ACTN1: variants seen among roughly 807,000 people sequenced by gnomAD.
ACTN1 encodes the protein actinin alpha 1.
ACTN1 carries 30 observed loss-of-function variants against 119.6 expected under a neutral mutation model. The observed-to-expected ratio is 0.25, with a 90% CI of 0.19 to 0.34. The LOEUF (loss-of-function observed/expected upper bound fraction) is 0.34. Ranked by LOEUF, ACTN1 falls within the 10% of genes least tolerant of loss-of-function variation. ACTN1 has a pLI of 1.00. For missense variants in ACTN1, 764 were observed against 1,223.4 expected (o/e 0.62, Z 5.60); for synonymous variants, 429 against 472.6 (o/e 0.91, Z 1.20).
At chr14:68,904,850 C>T in intron 6 of ACTN1, 114 bp from the exon 7 acceptor site, 1 of 790,248 alleles carries the variant, frequency 1.3e-6, no homozygotes, top group South Asian at 1.6e-5. Flanking sequence ...CTCCCAGCCC[C>T]AGCTCGATCC....
At chr14:68,907,804 A>T (rs2033757295) in intron 6 of ACTN1, among the ~76,000 whole-genome samples, 1 of 152,068 alleles carries the variant, frequency 6.6e-6, no homozygotes, top group South Asian at 2.1e-4. Flanking sequence ...TTTAGTGGGG[A>T]TGTCCAACAG....
At chr14:68,960,726 C>T (rs114714793) in intron 1 of ACTN1, among the ~76,000 whole-genome samples, 5,841 of 147,168 alleles carry the variant, frequency 0.04, 149 homozygotes, top group African/African-American at 0.072. Flanking sequence ...GTCCTGGTGA[C>T]TTGACAAGAA....
rs996505111 is a variant in ACTN1 at position 68,874,820 on chromosome 14, G to C, written c.*39C>G. ...GGGCGACGGCGGAGGTGCAAGGCAG[G>C]GCACGGCGCACAAGACGAGGGCGGC... On this transcript the variant is annotated 3_prime_UTR_variant, in exon 22 of 22. Transcript: ENST00000394419. 1.6e-5 allele frequency: 24 copies of C among 1,521,302 alleles called. No homozygotes were observed. The highest frequency in any genetic ancestry group is 2.0e-5 in the Non-Finnish European group (23 of 1,129,310). 94.2% of individuals were successfully genotyped at this position (1,521,302 alleles called of 1,614,324 possible). A position where few individuals can be genotyped will look rare whatever the true frequency, so the allele number is the denominator to read the frequency against.
At chr14:68,875,798 C>T (rs1486429824) in intron 21 of ACTN1, among the ~76,000 whole-genome samples, 4 of 152,206 alleles carry the variant, frequency 2.6e-5, no homozygotes, top group Non-Finnish European at 5.9e-5. Flanking sequence ...CCTAGTTTTC[C>T]TCCTCTACAA....
At position 68,909,206 on chromosome 14, in the gene ACTN1, C is replaced by A; in HGVS notation, c.594+112G>T. 1 of 1,088,710 alleles carries A rather than the reference C, an allele frequency of 9.2e-7. No individual in the cohort carries two copies. The highest frequency in any genetic ancestry group is 1.4e-6 in the Non-Finnish European group (1 of 727,602). The allele number at this position is 1,088,710 out of a possible 1,614,324, so 67.4% of individuals were successfully genotyped here. A position where few individuals can be genotyped will look rare whatever the true frequency, so the allele number is the denominator to read the frequency against. On this transcript the variant is annotated intron_variant, in intron 6 of 21. Transcript: ENST00000394419. The surrounding 1 kb of genome is among the most constrained non-coding windows in gnomAD (Gnocchi z 4.1). Reference sequence around the variant, plus strand: ...GGCTCTGTCTGGCTATTCTAAGAGGCCAACACTGCTCAGGCTGGACCATGG... The same window carrying A: ...GGCTCTGTCTGGCTATTCTAAGAGGACAACACTGCTCAGGCTGGACCATGG...
intron 8 of ACTN1, among the ~76,000 whole-genome samples, chr14:68,895,021 G>A (rs753198902): frequency 2.6e-5 from 4 of 151,918 alleles, no homozygotes; most frequent in Non-Finnish European, 5.9e-5. Context: ...ACTATGCTGG[G>A]GTGTGTGGGG....
chr14:68,977,800 T>TC (rs35512297), intron 1 of ACTN1: 77,919 of 343,840 alleles, frequency 0.23, 7,090 homozygotes, highest in Middle Eastern at 0.31. Flanking sequence ...CGCCATCCTG[T>TC]CCCCCCCCCA....
chr14:68,954,990 G>A (rs184024655), intron 1 of ACTN1, among the ~76,000 whole-genome samples: 297 of 152,032 alleles, frequency 2.0e-3, no homozygotes, highest in African/African-American at 6.9e-3. Context: ...AATCCTTCTC[G>A]TCAACCTAGT....
chr14:68,939,622 G>C (rs906863843), intron 1 of ACTN1, among the ~76,000 whole-genome samples: 1 of 152,234 alleles, frequency 6.6e-6, no homozygotes, highest in African/African-American at 2.4e-5. Flanking sequence ...GTTTCTTAGG[G>C]CTGGGAACGG....
At chr14:68,931,768 T>C (rs2035231025) in intron 1 of ACTN1, among the ~76,000 whole-genome samples, 1 of 152,184 alleles carries the variant, frequency 6.6e-6, no homozygotes, top group Non-Finnish European at 1.5e-5. Context: ...AAATGGGAGC[T>C]ACTATTCTTA....
intron 3 of ACTN1, among the ~76,000 whole-genome samples, chr14:68,913,110 C>T (rs970035763): frequency 6.6e-6 from 1 of 152,092 alleles, no homozygotes; most frequent in Admixed American, 6.5e-5. Context: ...AAGAGATAAC[C>T]CAATATATTT....
chr14:68,883,148 G>T, intron 14 of ACTN1, 93 bp from the exon 15 acceptor site: 1 of 1,284,704 alleles, frequency 7.8e-7, no homozygotes, highest in South Asian at 1.4e-5. Flanking sequence ...ACACCAGCTG[G>T]GAGACCAGGA....
chr14:68,941,427 C>G (rs547967461), intron 1 of ACTN1, among the ~76,000 whole-genome samples: 1 of 152,264 alleles, frequency 6.6e-6, no homozygotes, highest in South Asian at 2.1e-4. Context: ...GTCCAGAGAC[C>G]ACACTCTGAG....
intron 1 of ACTN1, among the ~76,000 whole-genome samples, chr14:68,937,957 G>A (rs1173761356): frequency 6.6e-6 from 1 of 152,252 alleles, no homozygotes; most frequent in Admixed American, 6.5e-5. Context: ...TTACTGAGGT[G>A]CAGCCAGGGG....
intron 1 of ACTN1, among the ~76,000 whole-genome samples, chr14:68,966,802 ACTTC>A (rs1241767489): frequency 6.6e-6 from 1 of 152,206 alleles, no homozygotes; most frequent in East Asian, 1.9e-4. Flanking sequence ...CCCAGGTTTT[ACTTC>A]CTTTAAGGTC....
chr14:68,911,956 T>A (rs1464390696), intron 4 of ACTN1, among the ~76,000 whole-genome samples, 200 bp downstream of exon 4: 1 of 152,206 alleles, frequency 6.6e-6, no homozygotes, highest in Non-Finnish European at 1.5e-5. Context: ...GAGGCCAACA[T>A]GCCTATGAGA....
intron 8 of ACTN1, among the ~76,000 whole-genome samples, chr14:68,895,649 G>A (rs1208994109): frequency 6.6e-6 from 1 of 152,218 alleles, no homozygotes; most frequent in Non-Finnish European, 1.5e-5. Context: ...CCCCTTGGCA[G>A]CTACTCATAA....
rs149792974 is a variant in ACTN1 at position 68,909,096 on chromosome 14, T to C, written c.594+222A>G. Among the ~76,000 whole-genome samples the C allele has an allele frequency of 9.1e-4, 138 of 152,350 alleles. 1 individual carries two copies. The highest frequency in any genetic ancestry group is 3.4e-3 in the Middle Eastern group (1 of 294). ...TGTGATATTTTCCTGATGGGCTGTG[T>C]ATGTGTGCAAGTACACACACACCAC... is the stretch of plus-strand genomic sequence containing the variant. On this transcript the variant is annotated intron_variant, in intron 6 of 21. Coordinates refer to ENST00000394419, the MANE Select transcript of ACTN1 (RefSeq NM_001130004.2). This position sits in a 1 kb window ranked among gnomAD's most constrained non-coding sequence, Gnocchi z 4.1.
Position 68,882,635 on chromosome 14 carries a change from A to G in ACTN1, c.1819-43T>C. On this transcript the variant is annotated intron_variant, in intron 15 of 21. Transcript: ENST00000394419. This position sits in a 1 kb window ranked among gnomAD's most constrained non-coding sequence, Gnocchi z 4.5. ...AGGCGACTTTCAGGATGGGTCAGCC[A>G]TCTGTCCATGTGCCAGATGAGGAAA... 1 of 1,611,424 alleles carries G rather than the reference A, an allele frequency of 6.2e-7. No individual in the cohort carries two copies. Among genetic ancestry groups the G allele is most frequent in the Non-Finnish European group, 8.5e-7 (1 of 1,178,228 alleles).
Sources: allele counts gnomAD v4.1 joint callset (sites outside exome capture counted in the v4.1 genomes callset), GRCh38; gene constraint gnomAD v4.1.1; non-coding constraint Gnocchi (gnomAD v3.1); transcripts MANE v1.5; gene names NCBI Gene and HGNC (gene_info 2026-07-23, HGNC 2026-07-21).